The following FAM135B variants were observed in gnomAD, a reference collection of about 807,000 sequenced individuals.
FAM135B encodes the protein protein FAM135B.
In FAM135B, 43 loss-of-function variants were observed where a neutral mutation model predicts 127.7. The ratio of observed to expected loss-of-function variants is 0.34; its 90% CI spans 0.26 to 0.43. The LOEUF is 0.43. Ranked by LOEUF, FAM135B falls within the 20% of genes least tolerant of loss-of-function variation. The pLI is 1.00. For synonymous variants in FAM135B, 670 were observed against 665.1 expected (o/e 1.01, Z -0.11); for missense variants, 1,558 against 1,725.6 (o/e 0.90, Z 1.72).
intron 8 of FAM135B, among the ~76,000 whole-genome samples, chr8:138,196,979 A>C (rs2131128389): frequency 6.6e-6 from 1 of 152,294 alleles, no homozygotes; most frequent in East Asian, 1.9e-4. Context: ...TCTTTGGAAA[A>C]TCCATGTGCA....
chr8:138,325,093 A>G (rs1827710150), intron 2 of FAM135B, among the ~76,000 whole-genome samples: 1 of 147,336 alleles, frequency 6.8e-6, no homozygotes, highest in South Asian at 2.2e-4. Flanking sequence ...TGAGGGCTAG[A>G]GGATTCCCTA....
At position 138,162,284 on chromosome 8, in the gene FAM135B, C is replaced by T. The variant is rs554620284; in HGVS notation, c.1258+5611G>A. Among the ~76,000 whole-genome samples, 30 of 152,206 alleles carry T rather than the reference C, an allele frequency of 2.0e-4. 1 individual carries two copies. Among genetic ancestry groups the T allele is most frequent in the Admixed American group, 1.5e-3 (23 of 15,288 alleles). On this transcript the variant is annotated intron_variant, in intron 12 of 19. Coordinates refer to ENST00000395297, the MANE Select transcript of FAM135B (RefSeq NM_015912.4). ...TAAAAACACCAGTGGTTGCCAGGCA[C>T]GGGGGAGAAGGCAGGATAAATAGGC...
chr8:138,169,583 T>C (rs1820247256), intron 11 of FAM135B, among the ~76,000 whole-genome samples: 3 of 152,118 alleles, frequency 2.0e-5, no homozygotes, highest in Admixed American at 2.0e-4. Flanking sequence ...TTTAACTCTT[T>C]AAATATTCTC....
chr8:138,228,976 C>T (rs1001582742), intron 7 of FAM135B, among the ~76,000 whole-genome samples: 4 of 152,126 alleles, frequency 2.6e-5, no homozygotes, highest in Non-Finnish European at 4.4e-5. Flanking sequence ...AGAGCACAGC[C>T]GCTTTTGCAT....
chr8:138,397,693 T>C (rs1832924459), intron 1 of FAM135B, among the ~76,000 whole-genome samples: 1 of 152,170 alleles, frequency 6.6e-6, no homozygotes. Context: ...GGGCTCCACA[T>C]GTTGGCATAG....
chr8:138,407,333 C>G (rs1276929401), intron 1 of FAM135B, among the ~76,000 whole-genome samples: 4 of 152,188 alleles, frequency 2.6e-5, no homozygotes, highest in African/African-American at 7.2e-5. Flanking sequence ...CCATACTGCC[C>G]AAGGTAATTT....
chr8:138,388,600 G>A (rs1832356640), intron 1 of FAM135B, among the ~76,000 whole-genome samples: 1 of 152,172 alleles, frequency 6.6e-6, no homozygotes, highest in Non-Finnish European at 1.5e-5. Flanking sequence ...GAGGCATGGA[G>A]GCACCTTACA....
chr8:138,229,140 T>C (rs546135138), intron 7 of FAM135B, among the ~76,000 whole-genome samples: 1 of 152,136 alleles, frequency 6.6e-6, no homozygotes, highest in Non-Finnish European at 1.5e-5. Flanking sequence ...GCTGTCTTCA[T>C]TACTAAGAGC....
intron 7 of FAM135B, among the ~76,000 whole-genome samples, chr8:138,239,648 G>C: frequency 6.6e-6 from 1 of 152,006 alleles, no homozygotes; most frequent in South Asian, 2.1e-4. Context: ...CCCATTACTG[G>C]GTATATACCC....
chr8:138,217,494 G>A (rs1332931409), intron 7 of FAM135B, among the ~76,000 whole-genome samples: 1 of 144,520 alleles, frequency 6.9e-6, no homozygotes. Context: ...GCAGTGGCAC[G>A]ATCTCGGCTC....
intron 9 of FAM135B, among the ~76,000 whole-genome samples, chr8:138,184,365 A>G (rs916387351): frequency 6.6e-6 from 1 of 152,200 alleles, no homozygotes; most frequent in African/African-American, 2.4e-5. Context: ...GCTTGTAACC[A>G]GGACAGTGAG....
chr8:138,473,210 C>T (rs546561287), intron 1 of FAM135B, among the ~76,000 whole-genome samples: 1 of 152,164 alleles, frequency 6.6e-6, no homozygotes, highest in African/African-American at 2.4e-5. Flanking sequence ...AAAGTGAGCA[C>T]TAAGAATAAA....
intron 3 of FAM135B, among the ~76,000 whole-genome samples, chr8:138,310,315 T>C (rs942199418): frequency 1.2e-4 from 18 of 152,212 alleles, no homozygotes; most frequent in Admixed American, 2.6e-4. Flanking sequence ...CACTCTGTGA[T>C]AGACTACCTG....
At chr8:138,352,337 T>C (rs1829834689) in intron 2 of FAM135B, among the ~76,000 whole-genome samples, 3 of 152,222 alleles carry the variant, frequency 2.0e-5, no homozygotes, top group Non-Finnish European at 4.4e-5. Flanking sequence ...CATTATACAT[T>C]GTATGCATGT....
intron 9 of FAM135B, among the ~76,000 whole-genome samples, chr8:138,190,662 C>T (rs1371794098): frequency 1.3e-5 from 2 of 152,184 alleles, no homozygotes; most frequent in African/African-American, 4.8e-5. Flanking sequence ...AACTAAGAGT[C>T]TGGCACCTTT....
intron 14 of FAM135B, among the ~76,000 whole-genome samples, chr8:138,146,713 T>C (rs1817685408): frequency 6.6e-6 from 1 of 152,018 alleles, no homozygotes; most frequent in Non-Finnish European, 1.5e-5. Context: ...AAAAAATGGA[T>C]TTACTACGAC....
intron 9 of FAM135B, among the ~76,000 whole-genome samples, chr8:138,187,988 G>T (rs765505730): frequency 2.0e-5 from 3 of 152,148 alleles, no homozygotes; most frequent in Non-Finnish European, 4.4e-5. Flanking sequence ...AGAGGTTCTG[G>T]GTTAGTGAAT....
intron 1 of FAM135B, among the ~76,000 whole-genome samples, chr8:138,495,815 G>A (rs1815369578): frequency 6.6e-6 from 1 of 152,150 alleles, no homozygotes. Context: ...TTAACATCAA[G>A]AGCATCATAA....
At chr8:138,348,603 G>A (rs1417521856) in intron 2 of FAM135B, among the ~76,000 whole-genome samples, 1 of 152,118 alleles carries the variant, frequency 6.6e-6, no homozygotes, top group Non-Finnish European at 1.5e-5. Context: ...ATCTTCTTCT[G>A]GTAAGGACAC....
Sources: gnomAD v4.1 joint callset for allele counts (sites outside exome capture counted in the v4.1 genomes callset) on GRCh38, gnomAD v4.1.1 for gene constraint, MANE v1.5 for transcripts, NCBI Gene and HGNC (gene_info 2026-07-23, HGNC 2026-07-21) for gene names.